Variants in FNDC3A observed in about 807,000 individuals in gnomAD.
FNDC3A encodes fibronectin type-III domain-containing protein 3A.
A neutral mutation model predicts 148.9 loss-of-function variants in FNDC3A; 32 were observed. That is an observed-to-expected ratio of 0.21 (90% CI 0.16 to 0.29). The LOEUF is 0.29. Among genes scored for constraint, FNDC3A ranks in the 10% least tolerant of loss-of-function variants. FNDC3A has a pLI of 1.00. For synonymous variants in FNDC3A, 472 were observed against 473.6 expected, an observed-to-expected ratio of 1.00 and a Z score of 0.04; for missense variants, 1,191 against 1,452.8, an observed-to-expected ratio of 0.82 and a Z score of 2.93.
chr13:49,164,605 C>A (rs145363129), intron 8 of FNDC3A, among the ~76,000 whole-genome samples: 37 of 151,348 alleles, frequency 2.4e-4, no homozygotes, highest in Admixed American at 1.6e-3. Context: ...CATTTTTATT[C>A]TTCTTCTTTT....
intron 25 of FNDC3A, among the ~76,000 whole-genome samples, chr13:49,205,305 A>G (rs1886597874): frequency 6.6e-6 from 1 of 152,236 alleles, no homozygotes; most frequent in Non-Finnish European, 1.5e-5. Context: ...AAGTATAAAG[A>G]CAAAAATCAT....
intron 2 of FNDC3A, among the ~76,000 whole-genome samples, chr13:49,031,407 A>C (rs1243137557): frequency 6.6e-6 from 1 of 152,150 alleles, no homozygotes; most frequent in Non-Finnish European, 1.5e-5. Context: ...AACTTACTGC[A>C]AAGCTACAGT....
At chr13:49,104,532 CAAAAAGAAAAGAAA>C (rs1460313121) in intron 3 of FNDC3A, among the ~76,000 whole-genome samples, 43 of 151,134 alleles carry the variant, frequency 2.8e-4, no homozygotes, top group Admixed American at 4.6e-4. Context: ...GACTACGTCT[CAAAAAGAAAAGAAA>C]AAAAAGAAAA....
At chr13:49,186,174 T>C in intron 15 of FNDC3A, 72 bp downstream of exon 15, 1 of 1,270,558 alleles carries the variant, frequency 7.9e-7, no homozygotes, top group Non-Finnish European at 1.1e-6. Context: ...TGAAGATAAT[T>C]TTTAAGATAT....
intron 3 of FNDC3A, 90 bp downstream of exon 3, chr13:49,075,454 C>T: frequency 2.9e-6 from 2 of 685,284 alleles, no homozygotes; most frequent in African/African-American, 1.8e-5. Context: ...ATGGTTTCTT[C>T]CTTCTTTCTC....
At chr13:49,001,169 A>G (rs1952117978) in intron 1 of FNDC3A, among the ~76,000 whole-genome samples, 3 of 152,184 alleles carry the variant, frequency 2.0e-5, no homozygotes, top group African/African-American at 7.2e-5. Flanking sequence ...TTAGTTCCCC[A>G]AATTAATACT....
chr13:49,074,811 G>A (rs146761350), intron 2 of FNDC3A, among the ~76,000 whole-genome samples: 6 of 151,966 alleles, frequency 3.9e-5, no homozygotes, highest in Admixed American at 2.6e-4. Context: ...TCGTAAAATT[G>A]GTATGTATTA....
At position 48,976,157 on chromosome 13, in the gene FNDC3A, T is replaced by A. The variant is rs1951593805; in HGVS notation, c.-60T>A. 6.6e-6 allele frequency: 1 copy of A among 152,110 alleles called. No homozygotes were observed. Among genetic ancestry groups the A allele is most frequent in the Admixed American group, 6.5e-5 (1 of 15,280 alleles). 9.4% of individuals were successfully genotyped at this position (152,110 alleles called of 1,614,324 possible). A position where few individuals can be genotyped will look rare whatever the true frequency, so the allele number is the denominator to read the frequency against. On this transcript the variant is annotated 5_prime_UTR_variant, in exon 1 of 26. Transcript: ENST00000492622. ...GGCGCCAGAGGAGCCGCCTTCTGCC[T>A]CAGAACGGCGTGACTCGGAGGTGAG...
intron 8 of FNDC3A, among the ~76,000 whole-genome samples, chr13:49,147,029 G>GA (rs1163903313): frequency 6.6e-6 from 1 of 152,112 alleles, no homozygotes; most frequent in Admixed American, 6.6e-5. Flanking sequence ...GAGAAGAAAG[G>GA]AAAGTGAAAC....
intron 3 of FNDC3A, among the ~76,000 whole-genome samples, chr13:49,079,974 T>C (rs911576582): frequency 6.6e-6 from 1 of 151,960 alleles, no homozygotes; most frequent in Non-Finnish European, 1.5e-5. Flanking sequence ...GCCACCATGC[T>C]TTTATAGAGT....
intron 2 of FNDC3A, among the ~76,000 whole-genome samples, chr13:49,022,788 A>T (rs1470095680): frequency 6.6e-6 from 1 of 151,964 alleles, no homozygotes; most frequent in Non-Finnish European, 1.5e-5. Context: ...CTCCTTTTTC[A>T]ATTAGTTTTT....
chr13:49,077,578 G>A (rs942630813), intron 3 of FNDC3A, among the ~76,000 whole-genome samples: 1 of 152,168 alleles, frequency 6.6e-6, no homozygotes, highest in African/African-American at 2.4e-5. Flanking sequence ...TTCTCTCTAA[G>A]TTGAACACAT....
chr13:49,003,686 A>G (rs1327668653), intron 1 of FNDC3A, among the ~76,000 whole-genome samples: 4 of 152,134 alleles, frequency 2.6e-5, no homozygotes, highest in Non-Finnish European at 5.9e-5. Flanking sequence ...TTAACCTTGT[A>G]TATTCAGATC....
chr13:49,126,865 A>G (rs1566268026), intron 4 of FNDC3A, among the ~76,000 whole-genome samples: 1 of 152,248 alleles, frequency 6.6e-6, no homozygotes, highest in Admixed American at 6.5e-5. Flanking sequence ...GAAAATTAAC[A>G]TTTCAGTGTT....
At chr13:49,190,495 G>A (rs1013033378) in intron 17 of FNDC3A, among the ~76,000 whole-genome samples, 4 of 152,066 alleles carry the variant, frequency 2.6e-5, no homozygotes, top group Non-Finnish European at 5.9e-5. Flanking sequence ...TCCATCCTGG[G>A]CAACATACCA....
At chr13:49,177,320 CT>C (rs1885080175) in intron 13 of FNDC3A, among the ~76,000 whole-genome samples, 1 of 152,148 alleles carries the variant, frequency 6.6e-6, no homozygotes, top group Admixed American at 6.6e-5. Context: ...TTATACACTG[CT>C]TCCCAAGGTG....
At chr13:49,046,490 G>T in intron 2 of FNDC3A, 1 of 160,000 alleles carries the variant, frequency 6.3e-6, no homozygotes, top group Non-Finnish European at 1.4e-5. Flanking sequence ...TGTTTGGGTT[G>T]CCTTTCTAAG....
intron 3 of FNDC3A, among the ~76,000 whole-genome samples, chr13:49,083,462 A>G (rs965567642): frequency 2.0e-5 from 3 of 152,198 alleles, no homozygotes; most frequent in African/African-American, 7.2e-5. Context: ...TTCAAAACAG[A>G]TGGTGGTGTA....
intron 13 of FNDC3A, among the ~76,000 whole-genome samples, chr13:49,176,487 T>TG (rs1019747472): frequency 1.3e-5 from 2 of 151,046 alleles, no homozygotes; most frequent in Admixed American, 6.6e-5. Context: ...TGTTGGAGGG[T>TG]GGGGGGTTAA....
Sources: allele counts gnomAD v4.1 joint callset (sites outside exome capture counted in the v4.1 genomes callset), GRCh38; gene constraint gnomAD v4.1.1; transcripts MANE v1.5; gene names NCBI Gene and HGNC (gene_info 2026-07-23, HGNC 2026-07-21).